Variants in PRKG1 observed in about 807,000 individuals in gnomAD.
PRKG1 encodes the protein protein kinase cGMP-dependent 1.
PRKG1 carries 35 observed loss-of-function variants against 88.1 expected under a neutral mutation model. The ratio of observed to expected loss-of-function variants is 0.40; its 90% CI spans 0.30 to 0.53. PRKG1 has a LOEUF of 0.53. PRKG1 is among the 20% of genes least tolerant of loss of function. The pLI is 0.59. For synonymous variants in PRKG1, 303 were observed against 292.5 expected (o/e 1.04, Z -0.37); for missense variants, 540 against 839.8 (o/e 0.64, Z 4.41).
chr10:52,093,105 T>G (rs1184187116), intron 7 of PRKG1, among the ~76,000 whole-genome samples: 1 of 152,166 alleles, frequency 6.6e-6, no homozygotes, highest in African/African-American at 2.4e-5. Flanking sequence ...AAACCTTGGA[T>G]GTAGAACCAC....
chr10:52,191,104 CTT>C lies in PRKG1; in HGVS notation c.1076+29143_1076+29144del, dbSNP rs140744400. On this transcript the variant is annotated intron_variant, in intron 9 of 17. Transcript: ENST00000373980. ...CATACACTGTATGTTGGTTATGTCT[CTT>C]TAGGCCTCCTTTAATCTAGAGGAGT... is the stretch of plus-strand genomic sequence containing the variant. Among the ~76,000 whole-genome samples the C allele has an allele frequency of 5.3e-5, 8 of 152,246 alleles. No homozygotes were observed. The East Asian group carries it at 1.4e-3, about 26-fold the overall frequency.
intron 2 of PRKG1, among the ~76,000 whole-genome samples, chr10:51,248,899 A>G (rs1839359046): frequency 1.3e-5 from 2 of 151,842 alleles, no homozygotes; most frequent in African/African-American, 2.4e-5. Flanking sequence ...AGCATCCCTC[A>G]TATTCTAAAG....
chr10:51,051,782 T>A (rs142938930), intron 1 of PRKG1, among the ~76,000 whole-genome samples: 1 of 152,276 alleles, frequency 6.6e-6, no homozygotes, highest in East Asian at 1.9e-4. Context: ...ACATCTTAGA[T>A]GAAGAACAAA....
At chr10:51,442,040 G>A (rs1436551780) in intron 2 of PRKG1, among the ~76,000 whole-genome samples, 1 of 151,550 alleles carries the variant, frequency 6.6e-6, no homozygotes, top group African/African-American at 2.4e-5. Flanking sequence ...GCAAAAATGT[G>A]GGAAGTTTTA....
At chr10:51,224,421 G>T (rs1024462681) in intron 2 of PRKG1, among the ~76,000 whole-genome samples, 13 of 152,158 alleles carry the variant, frequency 8.5e-5, no homozygotes, top group Admixed American at 8.5e-4. Flanking sequence ...TCATTGTCTA[G>T]CAATGAATAT....
At position 52,039,265 on chromosome 10, in the gene PRKG1, G is replaced by A. The variant is rs191115307; in HGVS notation, c.763-15219G>A. Among the ~76,000 whole-genome samples, 361 of 152,166 alleles carry A rather than the reference G, an allele frequency of 2.4e-3. 2 individuals are homozygous for A. Among genetic ancestry groups the A allele is most frequent in the African/African-American group, 8.2e-3 (342 of 41,502 alleles). On this transcript the variant is annotated intron_variant, in intron 5 of 17. Transcript: ENST00000373980. Reference sequence around the variant, plus strand: ...ATTTTATAGGATCTGGGTAGGTAAAGGAAAATTAGTCAAAGGGGGGTTGTT... The same window carrying A: ...ATTTTATAGGATCTGGGTAGGTAAAAGAAAATTAGTCAAAGGGGGGTTGTT...
chr10:52,096,200 T>C (rs1489822376), intron 7 of PRKG1, among the ~76,000 whole-genome samples: 1 of 152,222 alleles, frequency 6.6e-6, no homozygotes, highest in Non-Finnish European at 1.5e-5. Context: ...AACAAAGGTC[T>C]CAGACTGTAG....
intron 7 of PRKG1, among the ~76,000 whole-genome samples, chr10:52,096,011 T>G (rs566848429): frequency 2.0e-4 from 30 of 152,224 alleles, no homozygotes; most frequent in Admixed American, 7.2e-4. Flanking sequence ...AGGCAGGCAA[T>G]TAAGTGAGGA....
At chr10:51,331,719 G>C (rs1233522037) in intron 2 of PRKG1, among the ~76,000 whole-genome samples, 1 of 152,148 alleles carries the variant, frequency 6.6e-6, no homozygotes, top group Non-Finnish European at 1.5e-5. Flanking sequence ...GGATATATGT[G>C]CAAATCAATG....
chr10:52,201,340 C>T (rs1201226525), intron 9 of PRKG1, among the ~76,000 whole-genome samples: 1 of 152,036 alleles, frequency 6.6e-6, no homozygotes, highest in African/African-American at 2.4e-5. Flanking sequence ...TTTACATTCA[C>T]GTTGTCGAAG....
At chr10:52,118,603 T>C (rs1847743692) in intron 7 of PRKG1, among the ~76,000 whole-genome samples, 1 of 152,018 alleles carries the variant, frequency 6.6e-6, no homozygotes. Flanking sequence ...CCATGTTTGC[T>C]TTTTTTCCCT....
intron 9 of PRKG1, among the ~76,000 whole-genome samples, chr10:52,216,468 A>T (rs1241347100): frequency 2.0e-5 from 3 of 152,228 alleles, no homozygotes. Context: ...ATAAGACTTT[A>T]ATTGAATAGT....
At chr10:52,116,021 G>GA (rs964796359) in intron 7 of PRKG1, among the ~76,000 whole-genome samples, 65 of 151,920 alleles carry the variant, frequency 4.3e-4, no homozygotes, top group African/African-American at 1.5e-3. Flanking sequence ...TTTATAGACA[G>GA]AAAAAAAAGA....
At position 52,257,406 on chromosome 10, in the gene PRKG1, T is replaced by A. The variant is rs1380070732; in HGVS notation, c.1173+5740T>A. ...AACCCATTGCTCAGTCAGCAGGGTC[T>A]TATTGCGAAAGGTGAGCAACTTAAC... On this transcript the variant is annotated intron_variant, in intron 10 of 17. Coordinates refer to ENST00000373980, the MANE Select transcript of PRKG1 (RefSeq NM_006258.4). Among the ~76,000 whole-genome samples the A allele has an allele frequency of 1.4e-5, 2 of 139,938 alleles. 1 individual carries two copies. The highest frequency in any genetic ancestry group is 4.9e-5 in the African/African-American group (2 of 40,418). 91.8% of individuals were successfully genotyped at this position (139,938 alleles called of 152,430 possible). A position where few individuals can be genotyped will look rare whatever the true frequency, so the allele number is the denominator to read the frequency against.
chr10:51,997,123 G>C (rs953909193), intron 5 of PRKG1, among the ~76,000 whole-genome samples: 4 of 152,064 alleles, frequency 2.6e-5, no homozygotes, highest in African/African-American at 7.2e-5. Context: ...GGATGCTTGG[G>C]GGGTAGAGGG....
At chr10:51,103,853 T>C (rs1362685401) in intron 1 of PRKG1, among the ~76,000 whole-genome samples, 1 of 152,090 alleles carries the variant, frequency 6.6e-6, no homozygotes, top group Non-Finnish European at 1.5e-5. Flanking sequence ...CACAACTAAT[T>C]ACCTAAAACA....
At chr10:51,192,430 A>G (rs1391131691) in intron 2 of PRKG1, among the ~76,000 whole-genome samples, 1 of 151,910 alleles carries the variant, frequency 6.6e-6, no homozygotes, top group African/African-American at 2.4e-5. Flanking sequence ...TGTGATTCAT[A>G]TATGTGACTA....
chr10:51,610,817 C>A lies in PRKG1; in HGVS notation c.592+142981C>A, dbSNP rs191963077. Reference sequence around the variant, plus strand: ...CAGAAAGCTAAACACTGCATGTTCTCACTCATAAGTGGGAGTTGAACCATG... The same window carrying A: ...CAGAAAGCTAAACACTGCATGTTCTAACTCATAAGTGGGAGTTGAACCATG... On this transcript the variant is annotated intron_variant, in intron 3 of 17. Coordinates refer to ENST00000373980, the MANE Select transcript of PRKG1 (RefSeq NM_006258.4). Among the ~76,000 whole-genome samples, 180 of 152,146 alleles carry A rather than the reference C, an allele frequency of 1.2e-3. 1 individual carries two copies. The highest frequency in any genetic ancestry group is 4.1e-3 in the African/African-American group (170 of 41,492).
chr10:51,523,974 G>A (rs983071277), intron 3 of PRKG1, among the ~76,000 whole-genome samples: 4 of 152,168 alleles, frequency 2.6e-5, no homozygotes, highest in African/African-American at 9.7e-5. Context: ...TTATGGGGGT[G>A]CATCCTTTAT....
Sources: gnomAD v4.1 joint callset for allele counts (sites outside exome capture counted in the v4.1 genomes callset) on GRCh38, gnomAD v4.1.1 for gene constraint, MANE v1.5 for transcripts, NCBI Gene and HGNC (gene_info 2026-07-23, HGNC 2026-07-21) for gene names.